P3H2: variants seen among roughly 807,000 people sequenced by gnomAD.
The protein encoded by P3H2 is leprecan-like 1.
P3H2 carries 80 observed loss-of-function variants against 87.0 expected under a neutral mutation model. The ratio of observed to expected loss-of-function variants is 0.92; its 90% confidence interval spans 0.77 to 1.11. The LOEUF is 1.11. Among genes scored for constraint, P3H2 ranks in the 50% least tolerant of loss-of-function variants. P3H2 has a pLI of 0.00. For synonymous variants in P3H2, 367 were observed against 359.3 expected, an observed-to-expected ratio of 1.02 and a Z score of -0.24; for missense variants, 1,001 against 923.9, an observed-to-expected ratio of 1.08 and a Z score of -1.08.
At chr3:189,994,412 G>A in intron 2 of P3H2, 129 bp from the exon 3 acceptor site, 1 of 708,368 alleles carries the variant, frequency 1.4e-6, no homozygotes, top group Non-Finnish European at 2.4e-6. Flanking sequence ...GGATGCTTCT[G>A]CTGCGGAGGG....
intron 1 of P3H2, among the ~76,000 whole-genome samples, chr3:190,109,022 C>T (rs986868356): frequency 4.6e-5 from 7 of 152,152 alleles, no homozygotes; most frequent in South Asian, 4.1e-4. Context: ...TACGGCAATA[C>T]GGAGTGGAAG....
intron 14 of P3H2, among the ~76,000 whole-genome samples, chr3:189,958,866 G>T (rs1281790890): frequency 6.6e-6 from 1 of 151,736 alleles, no homozygotes; most frequent in Non-Finnish European, 1.5e-5. Flanking sequence ...ACCATGCCCG[G>T]CTAATTTTTT....
At chr3:190,017,564 T>C (rs1724806102) in intron 1 of P3H2, among the ~76,000 whole-genome samples, 1 of 152,180 alleles carries the variant, frequency 6.6e-6, no homozygotes, top group Non-Finnish European at 1.5e-5. Flanking sequence ...TAGCAGAAAT[T>C]CTTCTCTGGA....
chr3:189,987,345 G>A (rs1177245703), intron 5 of P3H2, among the ~76,000 whole-genome samples, 182 bp downstream of exon 5: 1 of 152,076 alleles, frequency 6.6e-6, no homozygotes, highest in African/African-American at 2.4e-5. Flanking sequence ...CGGGTGTGGT[G>A]GCATGTGCCT....
At chr3:190,002,218 G>A (rs1368679223) in intron 1 of P3H2, among the ~76,000 whole-genome samples, 2 of 151,880 alleles carry the variant, frequency 1.3e-5, no homozygotes, top group African/African-American at 4.8e-5. Flanking sequence ...TCACAATTCA[G>A]TTATAAGAAA....
chr3:190,037,668 GA>G (rs923356689), intron 1 of P3H2, among the ~76,000 whole-genome samples: 7 of 152,198 alleles, frequency 4.6e-5, no homozygotes, highest in Admixed American at 3.9e-4. Flanking sequence ...ACTTATTTGA[GA>G]TATGAATGTT....
chr3:189,959,136 C>G (rs1722729254), intron 14 of P3H2, among the ~76,000 whole-genome samples: 1 of 152,118 alleles, frequency 6.6e-6, no homozygotes, highest in Non-Finnish European at 1.5e-5. Flanking sequence ...TATCTCTTTC[C>G]TACTCACAGC....
intron 8 of P3H2, among the ~76,000 whole-genome samples, chr3:189,981,759 A>G (rs1280834272): frequency 2.0e-5 from 3 of 152,188 alleles, no homozygotes; most frequent in Non-Finnish European, 4.4e-5. Context: ...ATTTACAGCA[A>G]TGTGTTGGCT....
intron 1 of P3H2, among the ~76,000 whole-genome samples, chr3:190,087,003 G>A (rs1439405494): frequency 6.6e-6 from 1 of 152,170 alleles, no homozygotes; most frequent in Non-Finnish European, 1.5e-5. Flanking sequence ...TTACACATAA[G>A]AGCAGTAGTA....
At chr3:189,975,252 A>ATCAC (rs756042986) in intron 8 of P3H2, among the ~76,000 whole-genome samples, 4 of 152,204 alleles carry the variant, frequency 2.6e-5, no homozygotes, top group Non-Finnish European at 5.9e-5. Flanking sequence ...AGGCAAAATC[A>ATCAC]TCACGTTTCT....
At chr3:190,011,556 A>G (rs571985658) in intron 1 of P3H2, among the ~76,000 whole-genome samples, 134 of 152,300 alleles carry the variant, frequency 8.8e-4, no homozygotes, top group Non-Finnish European at 1.6e-3. Context: ...CTTTTCTGAT[A>G]TTATTTTGAT....
chr3:190,090,547 C>CA (rs1727375115), intron 1 of P3H2, among the ~76,000 whole-genome samples: 1 of 151,876 alleles, frequency 6.6e-6, no homozygotes, highest in South Asian at 2.1e-4. Flanking sequence ...ACTAAAAATA[C>CA]AAAAAATTAG....
At chr3:190,025,310 T>TA (rs1725054916) in intron 1 of P3H2, among the ~76,000 whole-genome samples, 1 of 152,178 alleles carries the variant, frequency 6.6e-6, no homozygotes, top group African/African-American at 2.4e-5. Context: ...TTTCGCAGGC[T>TA]AAAAAAACCA....
At chr3:190,099,333 C>T (rs1307992977) in intron 1 of P3H2, among the ~76,000 whole-genome samples, 1 of 152,158 alleles carries the variant, frequency 6.6e-6, no homozygotes, top group Non-Finnish European at 1.5e-5. Context: ...AAGACAATTA[C>T]TACCACATGT....
intron 1 of P3H2, among the ~76,000 whole-genome samples, chr3:190,080,143 G>A (rs538898469): frequency 6.6e-6 from 1 of 152,270 alleles, no homozygotes; most frequent in South Asian, 2.1e-4. Context: ...GTGGCATAAG[G>A]GCCTGACAGA....
At chr3:189,969,292 TC>T in intron 13 of P3H2, 1 of 913,646 alleles carries the variant, frequency 1.1e-6, no homozygotes, top group Non-Finnish European at 1.8e-6. Context: ...GTTGATAACA[TC>T]CACCCCCCAG....
Position 189,989,183 on chromosome 3 carries a change from AC to A in P3H2, c.824-146del, listed in dbSNP as rs1015436239. On this transcript the variant is annotated intron_variant, in intron 3 of 14. Coordinates refer to ENST00000319332, the MANE Select transcript of P3H2 (RefSeq NM_018192.4). The stretch of plus-strand genomic sequence containing the variant: ...ATAATCCTCACTTCCGGACTGCAAA[AC>A]CTTTTTACAAAGAAAGTAGGTGACT... The A allele has an allele frequency of 1.4e-5, 14 of 972,918 alleles. No individual in the cohort carries two copies. In the Admixed American group the frequency reaches 2.9e-4, roughly 20 times the overall value. 60.3% of individuals were successfully genotyped at this position (972,918 alleles called of 1,614,324 possible). A position where few individuals can be genotyped will look rare whatever the true frequency, so the allele number is the denominator to read the frequency against.
At chr3:190,106,334 T>C (rs1410951580) in intron 1 of P3H2, among the ~76,000 whole-genome samples, 1 of 152,194 alleles carries the variant, frequency 6.6e-6, no homozygotes, top group Non-Finnish European at 1.5e-5. Flanking sequence ...CAGGTAAGTC[T>C]GTGCTACAGT....
At chr3:190,117,943 A>G (rs1187750212) in intron 1 of P3H2, among the ~76,000 whole-genome samples, 1 of 152,218 alleles carries the variant, frequency 6.6e-6, no homozygotes, top group East Asian at 1.9e-4. Flanking sequence ...TCTCAGAAAT[A>G]TTGCTGGTAG....
Sources: allele counts gnomAD v4.1 joint callset (sites outside exome capture counted in the v4.1 genomes callset), GRCh38; gene constraint gnomAD v4.1.1; transcripts MANE v1.5; gene names NCBI Gene and HGNC (gene_info 2026-07-23, HGNC 2026-07-21).